Variants in RPP14 observed in about 807,000 individuals in gnomAD.
RPP14 encodes ribonuclease P protein subunit p14.
RPP14 carries 19 observed loss-of-function variants against 17.8 expected under a neutral mutation model. The ratio of observed to expected loss-of-function variants is 1.07; its 90% CI spans 0.74 to 1.57. The LOEUF is 1.57. RPP14 is among the 40% of genes most tolerant of loss of function. The probability of loss-of-function intolerance (pLI) is 0.00; values close to 1 mark genes in which losing one functional copy is unlikely to be tolerated. For missense variants in RPP14, 125 were observed against 140.8 expected, an observed-to-expected ratio of 0.89 and a Z score of 0.57; for synonymous variants, 60 against 56.4, an observed-to-expected ratio of 1.06 and a Z score of -0.29.
rs1446450016 is a variant in RPP14, at chr3:58,320,029, T to A, written c.*2533T>A. 1 of 152,170 alleles carries A rather than the reference T, an allele frequency of 6.6e-6. No individual in the cohort carries two copies. Among genetic ancestry groups the A allele is most frequent in the Non-Finnish European group, 1.5e-5 (1 of 68,018 alleles). The allele number at this position is 152,170 out of a possible 1,614,324, so 9.4% of individuals were successfully genotyped here. On this transcript the variant is annotated 3_prime_UTR_variant, in exon 6 of 6. Coordinates refer to ENST00000295959, the MANE Select transcript of RPP14 (RefSeq NM_007042.6). ...ATCACCAGTCTACTTTCTGTCTCTA[T>A]GGGTTTCCCTGTTCTGGACATTTCA...
intron 3 of RPP14, among the ~76,000 whole-genome samples, chr3:58,313,152 G>A (rs993817788): frequency 2.0e-5 from 3 of 151,698 alleles, no homozygotes; most frequent in South Asian, 2.1e-4. Context: ...CCAGCTACTC[G>A]GGAGGCTGAG....
rs59232688 is a variant in RPP14 at position 58,310,482 on chromosome 3, CT to C, written c.78-13del. 507,213 of 1,266,192 alleles carry C rather than the reference CT, an allele frequency of 0.4. 60,922 individuals carry two copies. Among genetic ancestry groups the C allele is most frequent in the East Asian group, 0.7 (26,383 of 37,694 alleles). 78.4% of individuals were successfully genotyped at this position (1,266,192 alleles called of 1,614,324 possible). On this transcript the variant is annotated intron_variant, in intron 2 of 5. Transcript: ENST00000295959. ...CTGAATAGAATGAAATTTAATATGA[CT>C]TTTTTTTTTTTCACTTTTTTTAGAG...
At chr3:58,312,386 A>G (rs1333981080) in intron 3 of RPP14, among the ~76,000 whole-genome samples, 1 of 108,756 alleles carries the variant, frequency 9.2e-6, no homozygotes, top group Non-Finnish European at 1.7e-5. Context: ...CAGCCTCCCG[A>G]GTAGCTGAGA....
In RPP14 at chr3:58,310,168, C is replaced by T. The variant is rs1011480384; in HGVS notation, c.-21-141C>T. 1.3e-5 allele frequency: 8 copies of T among 627,992 alleles called. No homozygotes were observed. In the Admixed American group the frequency reaches 2.2e-4, roughly 18 times the overall value. 38.9% of individuals were successfully genotyped at this position (627,992 alleles called of 1,614,324 possible). On this transcript the variant is annotated intron_variant, in intron 1 of 5. Transcript: ENST00000295959. ...GCTGCAGTGAACTCTGATTGTACCA[C>T]TGCACTTCAGCCTAGGTGACAGGGT...
chr3:58,316,351 T>C (rs1456416801), intron 3 of RPP14, 164 bp from the exon 4 acceptor site: 1 of 617,580 alleles, frequency 1.6e-6, no homozygotes, highest in African/African-American at 1.8e-5. Context: ...CAGAACATTC[T>C]AGGCAGGGGG....
At position 58,316,890 on chromosome 3, in the gene RPP14, A is replaced by G. The variant is rs75029435; in HGVS notation, c.240-25A>G. ...TTTTGTTCTCTGTCTATGACACACTATGTATTTTCTTGATCTTTCTGCAGT... is the reference window on the plus strand; with the variant it reads ...TTTTGTTCTCTGTCTATGACACACTGTGTATTTTCTTGATCTTTCTGCAGT... On this transcript the variant is annotated intron_variant, in intron 4 of 5. Transcript: ENST00000295959. The G allele has an allele frequency of 4.2e-4, 671 of 1,582,808 alleles. 2 individuals carry two copies. In the African/African-American group the frequency reaches 5.8e-3, roughly 14 times the overall value.
intron 1 of RPP14, among the ~76,000 whole-genome samples, chr3:58,306,915 G>T (rs2097475777): frequency 6.6e-6 from 1 of 152,208 alleles, no homozygotes; most frequent in South Asian, 2.1e-4. Flanking sequence ...AAAGGCAAAT[G>T]CTACGAAGAA....
Position 58,318,379 on chromosome 3 carries a change from T to G in RPP14, c.*883T>G. On this transcript the variant is annotated 3_prime_UTR_variant, in exon 6 of 6. Transcript: ENST00000295959. ...TTGTTTTTTAATTCAAGAAGTAGGC[T>G]GGGCCCGGTGGCTCATGCCTGTAAT... 1 of 299,392 alleles carries G rather than the reference T, an allele frequency of 3.3e-6. No homozygotes were observed. Among genetic ancestry groups the G allele is most frequent in the Admixed American group, 4.7e-5 (1 of 21,282 alleles). The allele number at this position is 299,392 out of a possible 1,614,324, so 18.5% of individuals were successfully genotyped here.
chr3:58,313,184 G>A (rs952267878), intron 3 of RPP14, among the ~76,000 whole-genome samples: 6 of 151,876 alleles, frequency 4.0e-5, no homozygotes, highest in Non-Finnish European at 5.9e-5. Flanking sequence ...GCATGAACCC[G>A]GGAGGTGGAG....
In RPP14 at chr3:58,320,073, A is replaced by T. The variant is rs998514403; in HGVS notation, c.*2577A>T. The T allele has an allele frequency of 6.6e-6, 1 of 152,170 alleles. No individual in the cohort carries two copies. The highest frequency in any genetic ancestry group is 1.5e-5 in the Non-Finnish European group (1 of 68,048). 9.4% of individuals were successfully genotyped at this position (152,170 alleles called of 1,614,324 possible). A position where few individuals can be genotyped will look rare whatever the true frequency, so the allele number is the denominator to read the frequency against. ...CATTTCATAAAAGTTCATACAATGTATGATCCTTTGGAACTGGCTTCTTTG... is the reference window on the plus strand; with the variant it reads ...CATTTCATAAAAGTTCATACAATGTTTGATCCTTTGGAACTGGCTTCTTTG... On this transcript the variant is annotated 3_prime_UTR_variant, in exon 6 of 6. Transcript: ENST00000295959.
chr3:58,306,695 C>T (rs960611562), intron 1 of RPP14: 1 of 152,284 alleles, frequency 6.6e-6, no homozygotes, highest in African/African-American at 2.4e-5. Context: ...GAAAGCCACC[C>T]AAGTGCTCAG....
At chr3:58,311,857 A>G (rs890578329) in intron 3 of RPP14, among the ~76,000 whole-genome samples, 4 of 151,876 alleles carry the variant, frequency 2.6e-5, no homozygotes, top group Non-Finnish European at 5.9e-5. Flanking sequence ...ATGGTATTCT[A>G]TTTTTAGTTT....
rs951305049 is a variant in RPP14, at chr3:58,320,090, G to C, written c.*2594G>C. On this transcript the variant is annotated 3_prime_UTR_variant, in exon 6 of 6. Transcript: ENST00000295959. Reference sequence around the variant, plus strand: ...TACAATGTATGATCCTTTGGAACTGGCTTCTTTGATATAGCATGTTTTCAG... The same window carrying C: ...TACAATGTATGATCCTTTGGAACTGCCTTCTTTGATATAGCATGTTTTCAG... 1.3e-5 allele frequency: 2 copies of C among 152,058 alleles called. No homozygotes were observed. The highest frequency in any genetic ancestry group is 4.8e-5 in the African/African-American group (2 of 41,382). The allele number at this position is 152,058 out of a possible 1,614,324, so 9.4% of individuals were successfully genotyped here.
At chr3:58,308,712 C>G (rs985581362) in intron 1 of RPP14, among the ~76,000 whole-genome samples, 2 of 152,200 alleles carry the variant, frequency 1.3e-5, no homozygotes, top group Admixed American at 1.3e-4. Flanking sequence ...GCTCTGTGAC[C>G]TTGGATAAGT....
chr3:58,310,916 G>A (rs1278964427), intron 3 of RPP14, among the ~76,000 whole-genome samples: 30 of 129,320 alleles, frequency 2.3e-4, no homozygotes, highest in Non-Finnish European at 3.4e-4. Context: ...GCAACAGAGC[G>A]AGACTCTGTC....
At chr3:58,311,492 T>C (rs1015011411) in intron 3 of RPP14, among the ~76,000 whole-genome samples, 1 of 152,196 alleles carries the variant, frequency 6.6e-6, no homozygotes, top group African/African-American at 2.4e-5. Context: ...AGTGAGAACA[T>C]GCAACAGTTG....
Position 58,319,075 on chromosome 3 carries a change from T to C in RPP14, c.*1579T>C, listed in dbSNP as rs535317099. On this transcript the variant is annotated 3_prime_UTR_variant, in exon 6 of 6. Coordinates refer to ENST00000295959, the MANE Select transcript of RPP14 (RefSeq NM_007042.6). Reference sequence around the variant, plus strand: ...GATAACAAATCCCTACCTATAGCCATGTGGAAGCAGCTTGTCACTGTATTT... The same window carrying C: ...GATAACAAATCCCTACCTATAGCCACGTGGAAGCAGCTTGTCACTGTATTT... 6.6e-6 allele frequency: 1 copy of C among 152,248 alleles called. No individual in the cohort carries two copies. The highest frequency in any genetic ancestry group is 2.4e-5 in the African/African-American group (1 of 41,554). 9.4% of individuals were successfully genotyped at this position (152,248 alleles called of 1,614,324 possible). A position where few individuals can be genotyped will look rare whatever the true frequency, so the allele number is the denominator to read the frequency against.
intron 3 of RPP14, among the ~76,000 whole-genome samples, chr3:58,311,303 C>T (rs1461682689): frequency 6.6e-6 from 1 of 152,170 alleles, no homozygotes; most frequent in Non-Finnish European, 1.5e-5. Context: ...TACAGGCACA[C>T]GCTACCATGC....
chr3:58,313,042 T>A (rs1296261794), intron 3 of RPP14, among the ~76,000 whole-genome samples: 2 of 147,212 alleles, frequency 1.4e-5, no homozygotes, highest in Non-Finnish European at 1.5e-5. Context: ...GGCAGGCAGA[T>A]CCCAAGGTCA....
Sources: allele counts gnomAD v4.1 joint callset (sites outside exome capture counted in the v4.1 genomes callset), GRCh38; gene constraint gnomAD v4.1.1; transcripts MANE v1.5; gene names NCBI Gene and HGNC (gene_info 2026-07-23, HGNC 2026-07-21).